Variants in NCOR2 observed in about 807,000 individuals in gnomAD.
The protein encoded by NCOR2 is CTG repeat protein 26.
A neutral mutation model predicts 262.9 loss-of-function variants in NCOR2; 81 were observed. The observed-to-expected ratio is 0.31, with a 90% CI of 0.26 to 0.37. The LOEUF (loss-of-function observed/expected upper bound fraction) is 0.37. Among genes scored for constraint, NCOR2 ranks in the 10% least tolerant of loss-of-function variants. The pLI is 1.00. For synonymous variants in NCOR2, 1,659 were observed against 1,559.3 expected, an observed-to-expected ratio of 1.06 and a Z score of -1.51; for missense variants, 3,385 against 3,621.4, an observed-to-expected ratio of 0.93 and a Z score of 1.68.
In NCOR2 at chr12:124,437,725, C is replaced by A. The variant is rs78478298; in HGVS notation, c.882+205G>T. 9.1e-3 allele frequency among the ~76,000 whole-genome samples: 1,387 copies of A among 152,190 alleles called. 18 individuals are homozygous for A. The highest frequency in any genetic ancestry group is 0.032 in the African/African-American group (1,336 of 41,522). On this transcript the variant is annotated intron_variant, in intron 8 of 46. Coordinates refer to ENST00000405201, the Ensembl canonical transcript of NCOR2. ...CTGGAAGAGGGGCCATAGAGCCCCC[C>A]CACCCCCACCCACCCTGGGGCCTTC...
At position 124,504,975 on chromosome 12, in the gene NCOR2, A is replaced by T. The variant is rs955819578; in HGVS notation, c.-117-9607T>A. On this transcript the variant is annotated intron_variant, in intron 1 of 46. Coordinates refer to the NCOR2 transcript ENST00000404621. This position sits in a 1 kb window ranked among gnomAD's most constrained non-coding sequence, Gnocchi z 4.5. ...GAGGTGGTGGTTGCACAACCCGTGA[A>T]TGTCCTAAATGCAAACTAATTGTTC... Among the ~76,000 whole-genome samples, 3 of 152,216 alleles carry T rather than the reference A, an allele frequency of 2.0e-5. No individual in the cohort carries two copies. The highest frequency in any genetic ancestry group is 7.2e-5 in the African/African-American group (3 of 41,460).
exon 33 of NCOR2, chr12:124,343,044 C>T (rs757680524): frequency 9.9e-6 from 16 of 1,611,678 alleles, no homozygotes; most frequent in East Asian, 8.9e-5. Context: ...GAGGTGGGGT[C>T]GAAGGCCAGG....
intron 10 of NCOR2, among the ~76,000 whole-genome samples, chr12:124,427,484 A>C (rs2043619521): frequency 6.6e-6 from 1 of 152,160 alleles, no homozygotes; most frequent in African/African-American, 2.4e-5. Context: ...GCGATTAATT[A>C]CCCATCTCCG....
At chr12:124,422,755 G>T (rs1477534866) in intron 11 of NCOR2, among the ~76,000 whole-genome samples, 200 bp from the exon 14 acceptor site, 1 of 152,248 alleles carries the variant, frequency 6.6e-6, no homozygotes, top group East Asian at 1.9e-4. Context: ...GTAAGAGAGG[G>T]CGTTCCTTGG....
chr12:124,538,519 G>C (rs2051186757), upstream of NCOR2: 1 of 152,776 alleles, frequency 6.5e-6, no homozygotes, highest in Non-Finnish European at 1.5e-5. Context: ...GGTCACGCAG[G>C]GTTCTGCAGA....
chr12:124,393,791 C>T (rs2041476718), intron 16 of NCOR2, among the ~76,000 whole-genome samples: 1 of 152,272 alleles, frequency 6.6e-6, no homozygotes, highest in Admixed American at 6.5e-5. Context: ...ATTAACAGCA[C>T]CTGCCTCCTA....
rs774775666 is a variant in NCOR2 at position 124,340,628 on chromosome 12, C to T, written c.5312G>A (p.Arg1771His). The change falls in exon 35 of 47, where the codon CGC becomes CAC. Residue 1771 changes from arginine to histidine, a missense_variant. Physicochemically the swap from Arg to His is conservative, Grantham distance 29. Coordinates refer to ENST00000405201, the Ensembl canonical transcript of NCOR2. ...TGGGGAGAGTGGGGAGCTGCTGTGG[C>T]GGCTGCTGAAGGGCTGGGGCGCGGT... is the stretch of plus-strand genomic sequence containing the variant. 16 of 1,494,922 alleles carry T rather than the reference C, an allele frequency of 1.1e-5. No homozygotes were observed. Among genetic ancestry groups the T allele is most frequent in the Middle Eastern group, 1.8e-4 (1 of 5,562 alleles). 92.6% of individuals were successfully genotyped at this position (1,494,922 alleles called of 1,614,324 possible). A position where few individuals can be genotyped will look rare whatever the true frequency, so the allele number is the denominator to read the frequency against.
At chr12:124,390,569 G>T (rs1026215100) in intron 16 of NCOR2, among the ~76,000 whole-genome samples, 1 of 150,368 alleles carries the variant, frequency 6.7e-6, no homozygotes, top group East Asian at 2.0e-4. Context: ...ACTGCTCATC[G>T]GCAGGTGTCC....
At chr12:124,430,875 C>T in intron 8 of NCOR2, 88 bp from the exon 11 acceptor site, 1 of 1,483,294 alleles carries the variant, frequency 6.7e-7, no homozygotes, top group Non-Finnish European at 9.1e-7. Context: ...CAGGCAGACA[C>T]ACAGGTGCGT....
At position 124,326,167 on chromosome 12, in the gene NCOR2, G is replaced by C. The variant is rs371769948; in HGVS notation, c.7363+24C>G. On this transcript the variant is annotated intron_variant, in intron 46 of 46. Coordinates refer to ENST00000405201, the Ensembl canonical transcript of NCOR2. ...CAGTGTTGGGGGCTCAGCGAGCCCAGCCCTGTCCCCACCTGGTGCCCACCT... is the reference window on the plus strand; with the variant it reads ...CAGTGTTGGGGGCTCAGCGAGCCCACCCCTGTCCCCACCTGGTGCCCACCT... 3.4e-4 allele frequency: 508 copies of C among 1,492,644 alleles called. No homozygotes were observed. Among genetic ancestry groups the C allele is most frequent in the Non-Finnish European group, 4.3e-4 (482 of 1,125,728 alleles). 92.5% of individuals were successfully genotyped at this position (1,492,644 alleles called of 1,614,324 possible).
intron 1 of NCOR2, among the ~76,000 whole-genome samples, chr12:124,502,364 A>G (rs977949017): frequency 1.3e-5 from 2 of 152,236 alleles, no homozygotes; most frequent in African/African-American, 4.8e-5. Context: ...CTGCCATTCC[A>G]GCAGGTGAGA....
At position 124,340,331 on chromosome 12, in the gene NCOR2, G is replaced by A. The variant is rs1244186498; in HGVS notation, c.5451C>T (p.Ser1817=). ...TGGGTGCGTGCTCCACCGTCGTGGTGGACGTGAGGATGGACTTTTCCCGCT... is the reference window on the plus strand; with the variant it reads ...TGGGTGCGTGCTCCACCGTCGTGGTAGACGTGAGGATGGACTTTTCCCGCT... The change falls in exon 36 of 47, where the codon TCC becomes TCT. Residue 1817 remains serine, a synonymous_variant. Coordinates refer to ENST00000405201, the Ensembl canonical transcript of NCOR2. The A allele has an allele frequency of 2.5e-6, 4 of 1,612,742 alleles. No individual in the cohort carries two copies. The East Asian group carries it at 6.7e-5, about 27-fold the overall frequency.
Position 124,481,050 on chromosome 12 carries a change from G to A in NCOR2, c.411+2546C>T, listed in dbSNP as rs7138486. Among the ~76,000 whole-genome samples, 12,190 of 151,506 alleles carry A rather than the reference G, an allele frequency of 0.08. 705 individuals are homozygous for A. Among genetic ancestry groups the A allele is most frequent in the Non-Finnish European group, 0.11 (7,767 of 67,746 alleles). On this transcript the variant is annotated intron_variant, in intron 3 of 46. Transcript: ENST00000405201. The surrounding 1 kb of genome is among the most constrained non-coding windows in gnomAD (Gnocchi z 4.6). ...CTGGGAGTGGCTCTGTGGTAGGGAG[G>A]TTGCCCCAGGGGATGAGCAGGGAGA...
Position 124,332,476 on chromosome 12 carries a change from A to T in NCOR2, c.6756-9T>A. 1 of 1,614,014 alleles carries T rather than the reference A, an allele frequency of 6.2e-7. No homozygotes were observed. The highest frequency in any genetic ancestry group is 8.5e-7 in the Non-Finnish European group (1 of 1,179,980). On this transcript the variant is annotated splice_polypyrimidine_tract_variant and intron_variant, in intron 42 of 46. Coordinates refer to ENST00000405201, the Ensembl canonical transcript of NCOR2. The stretch of plus-strand genomic sequence containing the variant: ...ACTTGGAGCCCATCCTGCTGTGAGG[A>T]TCAAACACCTCACATCAGCTCACTT...
chr12:124,565,269 G>A (rs1566065336), intron 1 of NCOR2, among the ~76,000 whole-genome samples: 1 of 152,108 alleles, frequency 6.6e-6, no homozygotes. Context: ...TCTGGGCACC[G>A]GCACCACAGA....
chr12:124,359,608 T>C (rs549473080), intron 22 of NCOR2, among the ~76,000 whole-genome samples: 30 of 152,240 alleles, frequency 2.0e-4, no homozygotes, highest in Admixed American at 5.9e-4. Flanking sequence ...GCCCTGGACC[T>C]GGCCCCTCTG....
At chr12:124,353,986 C>A in intron 27 of NCOR2, 107 bp downstream of exon 29, 1 of 1,001,524 alleles carries the variant, frequency 1.0e-6, no homozygotes, top group South Asian at 1.5e-5. Flanking sequence ...CCCCAGTCAT[C>A]ACCCCATCGG....
At chr12:124,437,840 C>A (rs1047367397) in intron 8 of NCOR2, 90 bp downstream of exon 10, 39 of 1,276,408 alleles carry the variant, frequency 3.1e-5, no homozygotes, top group Non-Finnish European at 9.9e-6. Context: ...AGCTGCGGAA[C>A]TGACAGGGCC....
chr12:124,332,534 A>C, intron 42 of NCOR2, 67 bp from the exon 45 acceptor site: 1 of 1,603,544 alleles, frequency 6.2e-7, no homozygotes, highest in East Asian at 2.2e-5. Context: ...GATGATGGGG[A>C]ACTCACCACC....
Sources: gnomAD v4.1 joint callset for allele counts (sites outside exome capture counted in the v4.1 genomes callset) on GRCh38, gnomAD v4.1.1 for gene constraint, Gnocchi (gnomAD v3.1) non-coding constraint, MANE v1.5 for transcripts, NCBI Gene and HGNC (gene_info 2026-07-23, HGNC 2026-07-21) for gene names.